The following UTRN variants were observed in gnomAD, a reference collection of about 807,000 sequenced individuals.
UTRN encodes utrophin.
A neutral mutation model predicts 463.9 loss-of-function variants in UTRN; 283 were observed. That is an observed-to-expected ratio of 0.61 (90% CI 0.55 to 0.67). The LOEUF is 0.67. UTRN is among the 30% of genes least tolerant of loss of function. UTRN has a pLI of 0.00. For synonymous variants in UTRN, 1,442 were observed against 1,431.5 expected, an observed-to-expected ratio of 1.01 and a Z score of -0.17; for missense variants, 3,922 against 4,084.3, an observed-to-expected ratio of 0.96 and a Z score of 1.08.
chr6:144,728,920 C>T (rs1045142360), intron 53 of UTRN, among the ~76,000 whole-genome samples: 1 of 152,020 alleles, frequency 6.6e-6, no homozygotes, highest in Admixed American at 6.6e-5. Context: ...TCTTCTCATC[C>T]CTCCCCACCT....
chr6:144,357,909 G>C (rs974138485), intron 2 of UTRN, among the ~76,000 whole-genome samples: 3 of 152,248 alleles, frequency 2.0e-5, no homozygotes, highest in Non-Finnish European at 4.4e-5. Context: ...CTTGCTGTAG[G>C]GAGAGGAAGG....
chr6:144,697,022 T>G lies in UTRN; in HGVS notation c.7653-3065T>G, dbSNP rs1227807725. Among the ~76,000 whole-genome samples, 7 of 152,186 alleles carry G rather than the reference T, an allele frequency of 4.6e-5. No individual in the cohort carries two copies. The South Asian group carries it at 1.2e-3, about 27-fold the overall frequency. ...AGTACCATTTTTATGGGTCTTTACCTTCTAACATGTTTTTGCATTACATTT... is the reference window on the plus strand; with the variant it reads ...AGTACCATTTTTATGGGTCTTTACCGTCTAACATGTTTTTGCATTACATTT... On this transcript the variant is annotated intron_variant, in intron 52 of 74. Coordinates refer to ENST00000367545, the MANE Select transcript of UTRN (RefSeq NM_007124.3).
chr6:144,788,091 TA>T, intron 61 of UTRN, among the ~76,000 whole-genome samples: 1 of 152,082 alleles, frequency 6.6e-6, no homozygotes, highest in East Asian at 1.9e-4. Context: ...GTTTTAAAGA[TA>T]AAAAAACATG....
At chr6:144,362,794 G>A (rs1278170679) in intron 2 of UTRN, among the ~76,000 whole-genome samples, 1 of 152,132 alleles carries the variant, frequency 6.6e-6, no homozygotes, top group Non-Finnish European at 1.5e-5. Flanking sequence ...AATATCTTGG[G>A]TCCTTACAAC....
chr6:144,640,626 T>A (rs1777672053), intron 51 of UTRN, among the ~76,000 whole-genome samples: 1 of 152,192 alleles, frequency 6.6e-6, no homozygotes, highest in African/African-American at 2.4e-5. Context: ...TTTATGTTTG[T>A]TTATTCAAAG....
chr6:144,327,806 T>A (rs1776066972), intron 2 of UTRN, among the ~76,000 whole-genome samples: 1 of 151,936 alleles, frequency 6.6e-6, no homozygotes, highest in Non-Finnish European at 1.5e-5. Flanking sequence ...TAGCTGGGCA[T>A]GGTGGCGGGT....
At chr6:144,837,297 A>G (rs1781183569) in intron 71 of UTRN, 2 of 152,254 alleles carry the variant, frequency 1.3e-5, no homozygotes, top group East Asian at 3.8e-4. Flanking sequence ...AAGCATCAAT[A>G]CAGTTTCTGC....
chr6:144,446,076 G>A (rs528529556), intron 14 of UTRN, among the ~76,000 whole-genome samples: 2 of 152,232 alleles, frequency 1.3e-5, no homozygotes, highest in Non-Finnish European at 2.9e-5. Context: ...AGAAGACATC[G>A]ATTGCTAGAG....
chr6:144,589,421 T>G (rs1398135137), intron 51 of UTRN, among the ~76,000 whole-genome samples: 1 of 152,212 alleles, frequency 6.6e-6, no homozygotes, highest in African/African-American at 2.4e-5. Flanking sequence ...AAATTTGTTT[T>G]GCAAGTCAGC....
At chr6:144,446,460 C>A (rs1176211635) in intron 14 of UTRN, among the ~76,000 whole-genome samples, 1 of 152,116 alleles carries the variant, frequency 6.6e-6, no homozygotes, top group Non-Finnish European at 1.5e-5. Context: ...AATACAGAAC[C>A]AAGTTGTTTT....
intron 72 of UTRN, among the ~76,000 whole-genome samples, chr6:144,839,521 GA>G (rs1396026719): frequency 1.3e-5 from 2 of 152,204 alleles, no homozygotes; most frequent in African/African-American, 4.8e-5. Context: ...AAGTTTGGAT[GA>G]AAAAGCCTCC....
At chr6:144,407,425 A>T (rs991320657) in intron 3 of UTRN, among the ~76,000 whole-genome samples, 1 of 152,208 alleles carries the variant, frequency 6.6e-6, no homozygotes, top group Non-Finnish European at 1.5e-5. Flanking sequence ...AATACAATGC[A>T]TCAGGACTTT....
At chr6:144,814,035 G>A (rs77559668) in intron 65 of UTRN, among the ~76,000 whole-genome samples, 3,870 of 152,258 alleles carry the variant, frequency 0.025, 93 homozygotes, top group African/African-American at 0.065. Context: ...TAGAGGGTAT[G>A]GGGGAACAGG....
intron 65 of UTRN, among the ~76,000 whole-genome samples, chr6:144,806,535 A>G (rs563896727): frequency 6.6e-6 from 1 of 152,294 alleles, no homozygotes; most frequent in South Asian, 2.1e-4. Flanking sequence ...CTTGCATTTA[A>G]TAGCAATGAA....
chr6:144,806,075 T>C (rs182856137), intron 65 of UTRN, among the ~76,000 whole-genome samples: 93 of 152,318 alleles, frequency 6.1e-4, no homozygotes, highest in African/African-American at 2.1e-3. Context: ...TATGTTGTTA[T>C]AGTAAAGATA....
chr6:144,827,211 C>T (rs1780259637), intron 66 of UTRN, 137 bp from the exon 67 acceptor site: 2 of 954,534 alleles, frequency 2.1e-6, no homozygotes, highest in African/African-American at 1.6e-5. Context: ...TTTTGATTTC[C>T]CCATGGTGGC....
chr6:144,828,025 T>A (rs139980367), intron 68 of UTRN, among the ~76,000 whole-genome samples: 92 of 152,242 alleles, frequency 6.0e-4, no homozygotes, highest in African/African-American at 2.0e-3. Context: ...AATTACAATA[T>A]GTAATTAAAT....
intron 24 of UTRN, among the ~76,000 whole-genome samples, chr6:144,474,140 A>G (rs1790948397): frequency 6.6e-6 from 1 of 151,154 alleles, no homozygotes; most frequent in African/African-American, 2.4e-5. Flanking sequence ...TAAGAAAAAC[A>G]TATTTAACAA....
At chr6:144,811,964 C>G (rs942030193) in intron 65 of UTRN, among the ~76,000 whole-genome samples, 13 of 151,946 alleles carry the variant, frequency 8.6e-5, no homozygotes, top group African/African-American at 2.4e-4. Context: ...TTTTATATAA[C>G]CTTGATTTGC....
Sources: gnomAD v4.1 joint callset for allele counts (sites outside exome capture counted in the v4.1 genomes callset) on GRCh38, gnomAD v4.1.1 for gene constraint, MANE v1.5 for transcripts, NCBI Gene and HGNC (gene_info 2026-07-23, HGNC 2026-07-21) for gene names.